PTPRM: variants seen among roughly 807,000 people sequenced by gnomAD.
PTPRM encodes the protein protein tyrosine phosphatase receptor type M, also known as receptor-type tyrosine-protein phosphatase mu.
A neutral mutation model predicts 186.7 loss-of-function variants in PTPRM; 47 were observed. That is an observed-to-expected ratio of 0.25 (90% CI 0.20 to 0.32). The LOEUF (loss-of-function observed/expected upper bound fraction) is 0.32, where lower values mean the gene tolerates loss of function less well. PTPRM is among the 10% of genes least tolerant of loss of function. The probability of loss-of-function intolerance (pLI) is 1.00; values close to 1 mark genes in which losing one functional copy is unlikely to be tolerated. For missense variants in PTPRM, 1,494 were observed against 1,865.0 expected (o/e 0.80, Z 3.66); for synonymous variants, 668 against 674.9 (o/e 0.99, Z 0.16).
chr18:7,647,247 G>T (rs956382672), intron 1 of PTPRM, among the ~76,000 whole-genome samples: 3 of 152,130 alleles, frequency 2.0e-5, no homozygotes, highest in African/African-American at 7.2e-5. Flanking sequence ...TCAAGTGCAA[G>T]AATTCCATTG....
chr18:8,170,340 G>C (rs1025359494), intron 14 of PTPRM, among the ~76,000 whole-genome samples: 3 of 152,158 alleles, frequency 2.0e-5, no homozygotes, highest in Non-Finnish European at 4.4e-5. Context: ...ATTGATGGCT[G>C]TGCTGGCCGC....
chr18:7,588,940 A>C (rs956909236), intron 1 of PTPRM, among the ~76,000 whole-genome samples: 2 of 152,086 alleles, frequency 1.3e-5, no homozygotes, highest in East Asian at 1.9e-4. Context: ...ACCTCAACCT[A>C]CTGGGCTCCA....
intron 14 of PTPRM, among the ~76,000 whole-genome samples, chr18:8,216,346 G>C (rs1353783340): frequency 1.3e-5 from 2 of 152,132 alleles, no homozygotes; most frequent in African/African-American, 4.8e-5. Context: ...GTTTGAAAGG[G>C]ATCATGGCAT....
intron 1 of PTPRM, among the ~76,000 whole-genome samples, chr18:7,718,901 T>C (rs1598430449): frequency 6.6e-6 from 1 of 152,210 alleles, no homozygotes; most frequent in East Asian, 1.9e-4. Context: ...AAATAATAGA[T>C]GTTGGTATGG....
At chr18:7,650,652 A>G (rs949406991) in intron 1 of PTPRM, among the ~76,000 whole-genome samples, 1 of 152,160 alleles carries the variant, frequency 6.6e-6, no homozygotes, top group African/African-American at 2.4e-5. Context: ...TCTTATAGGC[A>G]CTATCACAGT....
intron 2 of PTPRM, among the ~76,000 whole-genome samples, chr18:7,866,240 G>T (rs953216848): frequency 2.0e-5 from 3 of 152,010 alleles, no homozygotes; most frequent in African/African-American, 7.2e-5. Context: ...TTTTGATTTT[G>T]TTTGTTCTTG....
At chr18:7,892,688 G>A (rs1426957805) in intron 3 of PTPRM, among the ~76,000 whole-genome samples, 2 of 152,164 alleles carry the variant, frequency 1.3e-5, no homozygotes, top group South Asian at 2.1e-4. Flanking sequence ...AATACCACAG[G>A]ACTGTACGGC....
At chr18:8,110,062 C>T (rs1341887942) in intron 11 of PTPRM, among the ~76,000 whole-genome samples, 1 of 152,156 alleles carries the variant, frequency 6.6e-6, no homozygotes, top group African/African-American at 2.4e-5. Context: ...CGGTGTGCTT[C>T]CTCCCTCCTG....
intron 22 of PTPRM, among the ~76,000 whole-genome samples, chr18:8,335,269 C>T (rs1045139823): frequency 8.0e-5 from 10 of 125,344 alleles, no homozygotes; most frequent in Non-Finnish European, 1.6e-4. Flanking sequence ...CAGAGTCATA[C>T]CCTGTCCTTT....
At chr18:8,080,771 C>T (rs533485240) in intron 9 of PTPRM, among the ~76,000 whole-genome samples, 48 of 152,228 alleles carry the variant, frequency 3.2e-4, no homozygotes, top group African/African-American at 9.6e-4. Flanking sequence ...ATATTTATAA[C>T]GCCATCTCCT....
At chr18:8,132,179 T>A (rs2145952615) in intron 13 of PTPRM, among the ~76,000 whole-genome samples, 1 of 152,342 alleles carries the variant, frequency 6.6e-6, no homozygotes, top group African/African-American at 2.4e-5. Context: ...TGGTATTTTT[T>A]ACTCAGGATT....
intron 2 of PTPRM, among the ~76,000 whole-genome samples, chr18:7,777,166 A>G (rs1233038555): frequency 6.6e-6 from 1 of 152,116 alleles, no homozygotes; most frequent in African/African-American, 2.4e-5. Flanking sequence ...GTAAAATACT[A>G]TTGGATTTAT....
chr18:8,378,011 GAC>G (rs1244285829), intron 26 of PTPRM: 3 of 359,026 alleles, frequency 8.4e-6, no homozygotes, highest in African/African-American at 2.1e-5. Context: ...GGATCAGAAT[GAC>G]AGAGGTCTTC....
chr18:7,875,929 C>T (rs577153697), intron 2 of PTPRM, among the ~76,000 whole-genome samples: 1 of 152,248 alleles, frequency 6.6e-6, no homozygotes, highest in South Asian at 2.1e-4. Context: ...TGGCCTATTG[C>T]TCCTAGACTA....
At chr18:8,140,275 A>G (rs1247394924) in intron 13 of PTPRM, among the ~76,000 whole-genome samples, 1 of 152,070 alleles carries the variant, frequency 6.6e-6, no homozygotes, top group East Asian at 1.9e-4. Context: ...AGTAGTCAAA[A>G]TTGGGCCCAG....
Position 8,030,903 on chromosome 18 carries a change from G to A in PTPRM, c.1133-38783G>A, listed in dbSNP as rs188195486. 3.5e-3 allele frequency among the ~76,000 whole-genome samples: 533 copies of A among 152,252 alleles called. 15 individuals are homozygous for A. Among genetic ancestry groups the A allele is most frequent in the Admixed American group, 0.029 (448 of 15,306 alleles). On this transcript the variant is annotated intron_variant, in intron 7 of 32. Coordinates refer to ENST00000580170, the MANE Select transcript of PTPRM (RefSeq NM_001105244.2). ...AATCTCACAAAAGATGAGTTTCTACGATTAATGGTAGAATAAAATGCCTGT... is the reference window on the plus strand; with the variant it reads ...AATCTCACAAAAGATGAGTTTCTACAATTAATGGTAGAATAAAATGCCTGT...
intron 7 of PTPRM, among the ~76,000 whole-genome samples, chr18:8,031,532 A>G (rs1283772924): frequency 6.6e-6 from 1 of 152,224 alleles, no homozygotes; most frequent in African/African-American, 2.4e-5. Flanking sequence ...AAAAAAACTC[A>G]GGGCAAAAAT....
rs569238803 is a variant in PTPRM at position 7,649,199 on chromosome 18, G to A, written c.73+81308G>A. Among the ~76,000 whole-genome samples, 5 of 152,160 alleles carry A rather than the reference G, an allele frequency of 3.3e-5. No individual in the cohort carries two copies. The South Asian group carries it at 1.0e-3, about 32-fold the overall frequency. ...CTGAATATTTTAAGCCTGCTGTTGAGATCTACTACTCAGACAAAAAGATTC... is the reference window on the plus strand; with the variant it reads ...CTGAATATTTTAAGCCTGCTGTTGAAATCTACTACTCAGACAAAAAGATTC... On this transcript the variant is annotated intron_variant, in intron 1 of 32. Transcript: ENST00000580170.
chr18:8,078,512 G>A (rs975269638), intron 9 of PTPRM, among the ~76,000 whole-genome samples: 1 of 152,146 alleles, frequency 6.6e-6, no homozygotes, highest in Non-Finnish European at 1.5e-5. Flanking sequence ...TGCCATGGTT[G>A]GAAAAAAGTT....
Sources: gnomAD v4.1 joint callset for allele counts (sites outside exome capture counted in the v4.1 genomes callset) on GRCh38, gnomAD v4.1.1 for gene constraint, MANE v1.5 for transcripts, NCBI Gene and HGNC (gene_info 2026-07-23, HGNC 2026-07-21) for gene names.